TAFA1: variants seen among roughly 807,000 people sequenced by gnomAD.
The protein encoded by TAFA1 is TAFA chemokine like family member 1, also known as chemokine-like protein TAFA-1.
In TAFA1, 4 loss-of-function variants were observed where a neutral mutation model predicts 18.5. The ratio of observed to expected loss-of-function variants is 0.22; its 90% CI spans 0.11 to 0.49. The LOEUF is 0.49. TAFA1 is among the 20% of genes least tolerant of loss of function. The pLI, the probability that TAFA1 is intolerant of heterozygous loss-of-function variation, is 0.98. For missense variants in TAFA1, 147 were observed against 169.0 expected (o/e 0.87, Z 0.72); for synonymous variants, 56 against 55.2 (o/e 1.01, Z -0.06).
At chr3:68,504,364 G>C (rs549998959) in intron 3 of TAFA1, among the ~76,000 whole-genome samples, 1 of 152,232 alleles carries the variant, frequency 6.6e-6, no homozygotes, top group South Asian at 2.1e-4. Context: ...CCCAGAGCAA[G>C]CAGTATGCAT....
intron 3 of TAFA1, among the ~76,000 whole-genome samples, chr3:68,498,722 CTTTTTTTTTTTTTTTTTTTT>C (rs34030223): frequency 4.1e-5 from 4 of 97,026 alleles, no homozygotes; most frequent in South Asian, 3.4e-4. Flanking sequence ...CGTTTGGTGG[CTTTTTTTTTTTTTTTTTTTT>C]TTTTTTTTTT....
At chr3:68,501,513 T>C (rs2072659324) in intron 3 of TAFA1, among the ~76,000 whole-genome samples, 1 of 152,206 alleles carries the variant, frequency 6.6e-6, no homozygotes, top group African/African-American at 2.4e-5. Flanking sequence ...AACTCTACTT[T>C]CCAGAAATGG....
intron 2 of TAFA1, among the ~76,000 whole-genome samples, chr3:68,286,970 C>T (rs2068019749): frequency 6.6e-6 from 1 of 152,168 alleles, no homozygotes; most frequent in African/African-American, 2.4e-5. Context: ...CATCGCACTT[C>T]CAGCAAGGGA....
chr3:68,387,268 T>C (rs1468970100), intron 2 of TAFA1, among the ~76,000 whole-genome samples: 2 of 152,128 alleles, frequency 1.3e-5, no homozygotes, highest in African/African-American at 4.8e-5. Flanking sequence ...TGACATTCTC[T>C]ATGCTAGACT....
intron 2 of TAFA1, among the ~76,000 whole-genome samples, chr3:68,219,985 T>A (rs896825832): frequency 6.6e-6 from 1 of 152,180 alleles, no homozygotes; most frequent in Non-Finnish European, 1.5e-5. Context: ...TAATCAGTAA[T>A]CAATACAAAA....
At chr3:68,165,377 T>A (rs2065972082) in intron 2 of TAFA1, among the ~76,000 whole-genome samples, 1 of 152,226 alleles carries the variant, frequency 6.6e-6, no homozygotes, top group African/African-American at 2.4e-5. Flanking sequence ...GAGAAAGATT[T>A]CTTAGGGTTA....
intron 2 of TAFA1, among the ~76,000 whole-genome samples, chr3:68,413,325 T>A (rs952781625): frequency 2.0e-5 from 3 of 152,182 alleles, no homozygotes; most frequent in African/African-American, 4.8e-5. Context: ...ATTCTGTAGG[T>A]TGAAACATGG....
At chr3:68,266,608 G>A (rs893367363) in intron 2 of TAFA1, among the ~76,000 whole-genome samples, 1 of 151,988 alleles carries the variant, frequency 6.6e-6, no homozygotes, top group Non-Finnish European at 1.5e-5. Context: ...TGCATTTCTA[G>A]AACATAGGGC....
chr3:68,072,655 G>A lies in TAFA1; in HGVS notation c.118+65911G>A, dbSNP rs75954546. On this transcript the variant is annotated intron_variant, in intron 2 of 4. Transcript: ENST00000478136. ...GAGAGGGACGACGAGCCAGGTTTCT[G>A]TTTTGGAATTAGGTGAATGGTGACA... 2.2e-3 allele frequency among the ~76,000 whole-genome samples: 341 copies of A among 152,288 alleles called. 1 individual carries two copies. Among genetic ancestry groups the A allele is most frequent in the African/African-American group, 8.0e-3 (332 of 41,560 alleles).
At chr3:68,099,749 G>A (rs1270388891) in intron 2 of TAFA1, among the ~76,000 whole-genome samples, 1 of 151,864 alleles carries the variant, frequency 6.6e-6, no homozygotes, top group Non-Finnish European at 1.5e-5. Flanking sequence ...ATCAACATAG[G>A]TACCCATCAA....
At chr3:68,544,463 T>C (rs1186156848) in intron 4 of TAFA1, 23 bp from the exon 5 acceptor site, 13 of 1,611,970 alleles carry the variant, frequency 8.1e-6, no homozygotes, top group Non-Finnish European at 1.0e-5. Flanking sequence ...CTCCCTGAAA[T>C]GTCTGTCTTT....
intron 2 of TAFA1, among the ~76,000 whole-genome samples, chr3:68,397,817 C>T (rs571866101): frequency 6.6e-6 from 1 of 152,310 alleles, no homozygotes; most frequent in South Asian, 2.1e-4. Context: ...ACATCCTCTC[C>T]AGCATCTGTT....
intron 2 of TAFA1, among the ~76,000 whole-genome samples, chr3:68,220,820 C>G (rs1247740967): frequency 6.6e-6 from 1 of 152,104 alleles, no homozygotes; most frequent in African/African-American, 2.4e-5. Context: ...AAGGGTCACT[C>G]ACAGTATTCT....
intron 2 of TAFA1, among the ~76,000 whole-genome samples, chr3:68,218,472 C>T (rs1399392129): frequency 6.6e-6 from 1 of 151,980 alleles, no homozygotes; most frequent in African/African-American, 2.4e-5. Flanking sequence ...AGGAATGAGT[C>T]GATGGGGCGT....
chr3:68,382,491 C>A (rs1006640920), intron 2 of TAFA1, among the ~76,000 whole-genome samples: 1 of 151,988 alleles, frequency 6.6e-6, no homozygotes, highest in Non-Finnish European at 1.5e-5. Flanking sequence ...TTCCCTGTTG[C>A]TTGTTTTTGT....
At chr3:68,429,945 C>A (rs1456743469) in intron 3 of TAFA1, among the ~76,000 whole-genome samples, 2 of 151,900 alleles carry the variant, frequency 1.3e-5, no homozygotes, top group African/African-American at 4.8e-5. Flanking sequence ...GCTAGAGAGA[C>A]TTACTCACTC....
intron 3 of TAFA1, among the ~76,000 whole-genome samples, chr3:68,452,035 G>A (rs1485493280): frequency 6.6e-6 from 1 of 152,116 alleles, no homozygotes; most frequent in Non-Finnish European, 1.5e-5. Flanking sequence ...ACCCAGGATA[G>A]AAGGAAAGGC....
At chr3:68,152,442 G>A (rs139095971) in intron 2 of TAFA1, among the ~76,000 whole-genome samples, 43 of 152,256 alleles carry the variant, frequency 2.8e-4, no homozygotes, top group African/African-American at 1.0e-3. Flanking sequence ...AAACCCTGGT[G>A]CAAGTCAGTG....
chr3:68,352,240 T>A (rs991406419), intron 2 of TAFA1, among the ~76,000 whole-genome samples: 1 of 151,890 alleles, frequency 6.6e-6, no homozygotes, highest in Non-Finnish European at 1.5e-5. Context: ...CTGGGACAGA[T>A]CCCTGTAATA....
Sources: gnomAD v4.1 joint callset for allele counts (sites outside exome capture counted in the v4.1 genomes callset) on GRCh38, gnomAD v4.1.1 for gene constraint, MANE v1.5 for transcripts, NCBI Gene and HGNC (gene_info 2026-07-23, HGNC 2026-07-21) for gene names.